The following ATP10B variants were observed in gnomAD, a reference collection of about 807,000 sequenced individuals.
ATP10B encodes the protein phospholipid-transporting ATPase VB.
ATP10B carries 122 observed loss-of-function variants against 141.2 expected under a neutral mutation model. The observed-to-expected ratio is 0.86, with a 90% CI of 0.75 to 1.00. The LOEUF (loss-of-function observed/expected upper bound fraction) is 1.00. ATP10B is among the 50% of genes least tolerant of loss of function. The pLI, the probability that ATP10B is intolerant of heterozygous loss-of-function variation, is 0.00. For synonymous variants in ATP10B, 685 were observed against 692.0 expected, an observed-to-expected ratio of 0.99 and a Z score of 0.16; for missense variants, 1,876 against 1,825.3, an observed-to-expected ratio of 1.03 and a Z score of -0.51.
At chr5:160,800,984 C>A (rs1772338686) in intron 1 of ATP10B, among the ~76,000 whole-genome samples, 1 of 152,096 alleles carries the variant, frequency 6.6e-6, no homozygotes, top group Admixed American at 6.5e-5. Flanking sequence ...GGCTCTTGGT[C>A]CCTTTGACAT....
chr5:160,670,457 C>T lies in ATP10B; in HGVS notation c.675+6G>A. On this transcript the variant is annotated splice_donor_region_variant and intron_variant, in intron 7 of 25. Transcript: ENST00000327245. ...TTACCATTGAAGATATTAGAAAGAGCCCTACCTGCTGTGAGAAGCCCTTCA... is the reference window on the plus strand; with the variant it reads ...TTACCATTGAAGATATTAGAAAGAGTCCTACCTGCTGTGAGAAGCCCTTCA... 4 of 1,613,636 alleles carry T rather than the reference C, an allele frequency of 2.5e-6. No homozygotes were observed. The highest frequency in any genetic ancestry group is 1.7e-5 in the Admixed American group (1 of 59,996).
At chr5:160,632,462 G>A (rs1236390298) in intron 12 of ATP10B, 95 bp from the exon 13 acceptor site, 12 of 1,164,292 alleles carry the variant, frequency 1.0e-5, no homozygotes, top group Non-Finnish European at 1.5e-5. Context: ...GTAAGAGCAT[G>A]GGAAGGGCCT....
the ATP10B span, among the ~76,000 whole-genome samples, chr5:160,914,115 C>T: frequency 2.0e-5 from 3 of 152,220 alleles, no homozygotes; most frequent in South Asian, 6.2e-4. Flanking sequence ...ATGTATATGT[C>T]TACATATGTG....
intron 1 of ATP10B, among the ~76,000 whole-genome samples, chr5:160,809,083 A>T (rs1032751030): frequency 1.1e-4 from 16 of 152,186 alleles, no homozygotes; most frequent in Non-Finnish European, 2.9e-5. Context: ...AAGGACACCA[A>T]GTGTATTAGA....
At chr5:160,619,284 T>A (rs919326805) in intron 15 of ATP10B, among the ~76,000 whole-genome samples, 1 of 152,220 alleles carries the variant, frequency 6.6e-6, no homozygotes, top group African/African-American at 2.4e-5. Context: ...ATTTTCTCCC[T>A]CCTTTCAAAG....
intron 2 of ATP10B, among the ~76,000 whole-genome samples, chr5:160,775,675 GAT>G (rs1491254186): frequency 8.0e-6 from 1 of 124,878 alleles, no homozygotes; most frequent in African/African-American, 2.8e-5. Context: ...GCAAGTTTCA[GAT>G]TTTTTTTTTT....
intron 3 of ATP10B, among the ~76,000 whole-genome samples, chr5:160,702,785 A>T (rs1432667606): frequency 6.6e-6 from 1 of 152,198 alleles, no homozygotes; most frequent in Non-Finnish European, 1.5e-5. Flanking sequence ...TCTGGCCAAG[A>T]TACTTGTAAC....
chr5:160,900,224 T>C, the ATP10B span, among the ~76,000 whole-genome samples: 1 of 152,168 alleles, frequency 6.6e-6, no homozygotes, highest in African/African-American at 2.4e-5. Flanking sequence ...CCCTTTGATC[T>C]TTTCTTTTTC....
intron 1 of ATP10B, among the ~76,000 whole-genome samples, chr5:160,798,941 G>A (rs564474537): frequency 6.6e-6 from 1 of 151,804 alleles, no homozygotes; most frequent in East Asian, 1.9e-4. Flanking sequence ...TATTCGAGAT[G>A]GGGTTTCACC....
At chr5:160,676,873 C>A (rs1313677656) in intron 6 of ATP10B, among the ~76,000 whole-genome samples, 1 of 152,128 alleles carries the variant, frequency 6.6e-6, no homozygotes, top group African/African-American at 2.4e-5. Flanking sequence ...GATGATGAAA[C>A]AGGCTCAGAA....
intron 1 of ATP10B, among the ~76,000 whole-genome samples, chr5:160,798,953 T>C (rs1306429860): frequency 6.6e-6 from 1 of 152,028 alleles, no homozygotes; most frequent in African/African-American, 2.4e-5. Context: ...GGTTTCACCA[T>C]GTTAGCCAGG....
chr5:160,622,807 CTCAG>C (rs1758424662), intron 13 of ATP10B, among the ~76,000 whole-genome samples: 1 of 152,208 alleles, frequency 6.6e-6, no homozygotes, highest in African/African-American at 2.4e-5. Context: ...GTTCTTCACT[CTCAG>C]TGTCTTCCCA....
At chr5:160,689,123 A>G (rs1198985522) in intron 3 of ATP10B, among the ~76,000 whole-genome samples, 180 bp from the exon 4 acceptor site, 1 of 152,270 alleles carries the variant, frequency 6.6e-6, no homozygotes, top group East Asian at 1.9e-4. Flanking sequence ...CACCATGACA[A>G]AAACCATATG....
chr5:160,914,260 G>T, the ATP10B span, among the ~76,000 whole-genome samples: 1 of 152,054 alleles, frequency 6.6e-6, no homozygotes, highest in African/African-American at 2.4e-5. Flanking sequence ...TGTCAAAGAG[G>T]TCATAAAACA....
At chr5:160,792,768 GT>G (rs1251479800) in intron 1 of ATP10B, among the ~76,000 whole-genome samples, 1 of 152,170 alleles carries the variant, frequency 6.6e-6, no homozygotes, top group Non-Finnish European at 1.5e-5. Flanking sequence ...CAGTTTACCT[GT>G]GCCTCAATTC....
intron 2 of ATP10B, among the ~76,000 whole-genome samples, chr5:160,718,923 C>T (rs1484049649): frequency 6.6e-6 from 1 of 152,184 alleles, no homozygotes; most frequent in African/African-American, 2.4e-5. Context: ...GGTTCAAGAT[C>T]CGCCACTGTC....
chr5:160,670,724 T>C lies in ATP10B; in HGVS notation c.471-57A>G, dbSNP rs183251450. ...GCTTTAAGTTTCCTCAGAACACTAA[T>C]GAAAGAATAGAGGAAGGTCCCACCA... On this transcript the variant is annotated intron_variant, in intron 6 of 25. Transcript: ENST00000327245. The C allele has an allele frequency of 3.3e-6, 5 of 1,511,260 alleles. No individual in the cohort carries two copies. In the Admixed American group the frequency reaches 8.6e-5, roughly 26 times the overall value. 93.6% of individuals were successfully genotyped at this position (1,511,260 alleles called of 1,614,324 possible).
At chr5:160,905,943 T>C in the ATP10B span, among the ~76,000 whole-genome samples, 30 of 152,084 alleles carry the variant, frequency 2.0e-4, no homozygotes, top group Non-Finnish European at 4.3e-4. Flanking sequence ...AAGGAAGAAA[T>C]GGGACAATTT....
At chr5:160,745,599 A>T (rs1432430006) in intron 2 of ATP10B, among the ~76,000 whole-genome samples, 1 of 152,246 alleles carries the variant, frequency 6.6e-6, no homozygotes, top group East Asian at 1.9e-4. Context: ...AGCCTGATTG[A>T]TAGAAAGGTC....
Sources: allele counts gnomAD v4.1 joint callset (sites outside exome capture counted in the v4.1 genomes callset), GRCh38; gene constraint gnomAD v4.1.1; transcripts MANE v1.5; gene names NCBI Gene and HGNC (gene_info 2026-07-23, HGNC 2026-07-21).